SETD1A: variants seen among roughly 807,000 people sequenced by gnomAD.
The protein encoded by SETD1A is SET domain containing 1A, histone lysine methyltransferase, also known as histone-lysine N-methyltransferase SETD1A.
In SETD1A, 29 loss-of-function variants were observed where a neutral mutation model predicts 149.9. The ratio of observed to expected loss-of-function variants is 0.19; its 90% CI spans 0.14 to 0.26. SETD1A has a LOEUF of 0.26. Among genes scored for constraint, SETD1A ranks in the 10% least tolerant of loss-of-function variants. The pLI is 1.00. For missense variants in SETD1A, 2,109 were observed against 2,353.1 expected, an observed-to-expected ratio of 0.90 and a Z score of 2.15; for synonymous variants, 1,141 against 968.5, an observed-to-expected ratio of 1.18 and a Z score of -3.31.
chr16:30,976,956 CT>C (rs936344528), intron 13 of SETD1A, among the ~76,000 whole-genome samples: 17 of 148,618 alleles, frequency 1.1e-4, no homozygotes, highest in Admixed American at 3.4e-4. Flanking sequence ...TGTTTCTTCT[CT>C]TTTTTTTTTG....
At chr16:30,962,927 T>C (rs1361732769) in intron 4 of SETD1A, among the ~76,000 whole-genome samples, 2 of 152,282 alleles carry the variant, frequency 1.3e-5, no homozygotes, top group Non-Finnish European at 2.9e-5. Context: ...GGTTTTTGTG[T>C]GAAATCTCAT....
intron 3 of SETD1A, among the ~76,000 whole-genome samples, chr16:30,959,720 A>G (rs932479569): frequency 4.0e-5 from 6 of 148,178 alleles, no homozygotes; most frequent in Non-Finnish European, 8.9e-5. Context: ...TTCTAAATAA[A>G]TTGTTTGTGG....
intron 17 of SETD1A, among the ~76,000 whole-genome samples, chr16:30,981,479 AT>A (rs2056377264): frequency 6.6e-6 from 1 of 152,144 alleles, no homozygotes; most frequent in Admixed American, 6.5e-5. Context: ...GGTTCAAGCG[AT>A]TCTCCTGCCT....
chr16:30,966,406 C>T lies in SETD1A; in HGVS notation c.2505+20C>T. On this transcript the variant is annotated intron_variant, in intron 8 of 18. Coordinates refer to ENST00000262519, the MANE Select transcript of SETD1A (RefSeq NM_014712.3). ...GCCAAGGTGAGGCCAGCGCCTGGGACCGGGGAGCCCTGGGCTTTGCAGGAG... is the reference window on the plus strand; with the variant it reads ...GCCAAGGTGAGGCCAGCGCCTGGGATCGGGGAGCCCTGGGCTTTGCAGGAG... 6.3e-7 allele frequency: 1 copy of T among 1,583,852 alleles called. No homozygotes were observed. The highest frequency in any genetic ancestry group is 1.2e-5 in the South Asian group (1 of 86,046).
At chr16:30,960,505 C>T (rs2056036132) in intron 3 of SETD1A, among the ~76,000 whole-genome samples, 1 of 152,164 alleles carries the variant, frequency 6.6e-6, no homozygotes, top group Non-Finnish European at 1.5e-5. Context: ...CTTCCCTGGG[C>T]TCCAGAACAC....
Position 30,984,325 on chromosome 16 carries a change from C to G in SETD1A, c.*302C>G. On this transcript the variant is annotated 3_prime_UTR_variant, in exon 19 of 19. Transcript: ENST00000262519. ...GGGTGCCGGCCTGTACAGATTCTGTCCTGGGGGGCTACACAGTCCTCTTGC... is the reference window on the plus strand; with the variant it reads ...GGGTGCCGGCCTGTACAGATTCTGTGCTGGGGGGCTACACAGTCCTCTTGC... 2.5e-6 allele frequency: 1 copy of G among 399,686 alleles called. No individual in the cohort carries two copies. The highest frequency in any genetic ancestry group is 4.6e-6 in the Non-Finnish European group (1 of 217,610). The allele number at this position is 399,686 out of a possible 1,614,324, so 24.8% of individuals were successfully genotyped here.
In SETD1A at chr16:30,963,469, A is replaced by G; in HGVS notation, c.554A>G (p.Asn185Ser). ...ATGAAATACTATGAACTAATTGTCA[A>G]TGGCTCCTACACCCCTCAGACTGTG... ...QRMKYYELIV[N>S]GSYTPQTVPT... The change falls in exon 5 of 19, where the codon AAT (asparagine) becomes AGT (serine). Residue 185 changes from asparagine (N) to serine (S), a missense_variant. Transcript: ENST00000262519. 1.9e-6 allele frequency: 3 copies of G among 1,612,710 alleles called. No individual in the cohort carries two copies. The highest frequency in any genetic ancestry group is 2.2e-5 in the South Asian group (2 of 90,856).
intron 13 of SETD1A, among the ~76,000 whole-genome samples, chr16:30,977,331 G>T (rs1470429042): frequency 6.6e-6 from 1 of 152,238 alleles, no homozygotes; most frequent in East Asian, 1.9e-4. Context: ...ATGGCCCTGG[G>T]GAGGGGCAGG....
intron 13 of SETD1A, among the ~76,000 whole-genome samples, chr16:30,974,053 G>A (rs2143550311): frequency 6.6e-6 from 1 of 152,284 alleles, no homozygotes; most frequent in South Asian, 2.1e-4. Context: ...TTGAAAGGAT[G>A]CAGGTGAGAT....
Position 30,984,253 on chromosome 16 carries a change from C to A in SETD1A, c.*230C>A. 1.8e-6 allele frequency: 1 copy of A among 555,616 alleles called. No individual in the cohort carries two copies. 34.4% of individuals were successfully genotyped at this position (555,616 alleles called of 1,614,324 possible). On this transcript the variant is annotated 3_prime_UTR_variant, in exon 19 of 19. Transcript: ENST00000262519. ...ATTGTTTTTCTTTGCGGAGAAGAAG[C>A]TGTAAATGTTTTGTAGCAGCCAGCA...
At position 30,965,838 on chromosome 16, in the gene SETD1A, C is replaced by G. The variant is rs1364909953; in HGVS notation, c.1957C>G (p.Pro653Ala). Reference protein sequence around the residue: ...PPEYPPPPPPPPHIYDFVNSL... With the variant: ...PPEYPPPPPPAPHIYDFVNSL... The stretch of plus-strand genomic sequence containing the variant: ...TGAGTACCCCCCACCTCCTCCACCA[C>G]CCCCGCACATCTATGACTTTGTGAA... The change falls in exon 8 of 19, where the codon CCC (proline) becomes GCC (alanine). Residue 653 changes from proline to alanine, a missense_variant. Coordinates refer to ENST00000262519, the MANE Select transcript of SETD1A (RefSeq NM_014712.3). 6.2e-7 allele frequency: 1 copy of G among 1,608,224 alleles called. No individual in the cohort carries two copies. The highest frequency in any genetic ancestry group is 8.5e-7 in the Non-Finnish European group (1 of 1,176,502).
Position 30,980,911 on chromosome 16 carries a change from A to C in SETD1A, c.4692+62A>C, listed in dbSNP as rs1011923470. On this transcript the variant is annotated intron_variant, in intron 16 of 18. Transcript: ENST00000262519. This position sits in a 1 kb window ranked among gnomAD's most constrained non-coding sequence, Gnocchi z 7.7. ...GGTGGGGCAGGAAGGGGCAGAGGCC[A>C]GGGGACCACCCAGCAGGCTCCTGTG... is the stretch of plus-strand genomic sequence containing the variant. The C allele has an allele frequency of 1.3e-6, 2 of 1,558,734 alleles. No homozygotes were observed. The highest frequency in any genetic ancestry group is 1.4e-5 in the African/African-American group (1 of 74,032).
intron 3 of SETD1A, among the ~76,000 whole-genome samples, chr16:30,959,862 A>G (rs2056025267): frequency 6.6e-6 from 1 of 151,794 alleles, no homozygotes; most frequent in Non-Finnish European, 1.5e-5. Context: ...TCCAGCCAAC[A>G]TCTCTAGGCT....
intron 9 of SETD1A, among the ~76,000 whole-genome samples, chr16:30,967,298 C>T (rs1227793521): frequency 6.6e-6 from 1 of 152,118 alleles, no homozygotes; most frequent in Non-Finnish European, 1.5e-5. Flanking sequence ...GGGTTACAGG[C>T]ACCCGCCACC....
rs779920468 is a variant in SETD1A, at chr16:30,981,103, G to A, written c.4735G>A (p.Glu1579Lys). The A allele has an allele frequency of 1.4e-5, 22 of 1,614,100 alleles. No individual in the cohort carries two copies. Among genetic ancestry groups the A allele is most frequent in the South Asian group, 1.1e-5 (1 of 91,090 alleles). The change falls in exon 17 of 19, where the codon GAG (glutamate) becomes AAG (lysine). Residue 1579 changes from glutamate (E) to lysine (K), a missense_variant. Around this residue, in one of 8 missense-constraint regions of SETD1A, gnomAD observed 254 missense variants for 409.3 expected, o/e 0.62. Coordinates refer to ENST00000262519, the MANE Select transcript of SETD1A (RefSeq NM_014712.3). ...CCGATTTGGCCGGAGCCGGATCCAC[G>A]AGTGGGGTCTGTTTGCCATGGAACC... ...KLRFGRSRIH[E>K]WGLFAMEPIA...
Position 30,964,275 on chromosome 16 carries a change from C to G in SETD1A, c.821C>G (p.Thr274Arg), listed in dbSNP as rs146582105. Residue 274 changes from threonine to arginine, a missense_variant, in exon 6 of 19, where the codon ACG becomes AGG. Transcript: ENST00000262519. ...CAGTCCTCCCAAGGAACCCCCTACA[C>G]GTCTCGGGGCAGCACCCCCTACTCT... ...TPQSSQGTPY[T>R]SRGSTPYSQD... 5.0e-6 allele frequency: 8 copies of G among 1,614,068 alleles called. No homozygotes were observed. The highest frequency in any genetic ancestry group is 6.8e-6 in the Non-Finnish European group (8 of 1,179,962).
rs146456699 is a variant in SETD1A at position 30,968,130 on chromosome 16, C to T, written c.2770+542C>T. The stretch of plus-strand genomic sequence containing the variant: ...CATATTTAAAACTGTGTGGGCTGGG[C>T]GCAGTGGCTCCTGACTGTAATCCCA... On this transcript the variant is annotated intron_variant, in intron 10 of 18. Coordinates refer to ENST00000262519, the MANE Select transcript of SETD1A (RefSeq NM_014712.3). 3.2e-3 allele frequency among the ~76,000 whole-genome samples: 494 copies of T among 152,264 alleles called. 2 individuals are homozygous for T. Among genetic ancestry groups the T allele is most frequent in the African/African-American group, 0.011 (458 of 41,540 alleles).
Position 30,983,502 on chromosome 16 carries a change from G to A in SETD1A, c.4813-133G>A, listed in dbSNP as rs911317730. On this transcript the variant is annotated intron_variant, in intron 17 of 18. Transcript: ENST00000262519. This position sits in a 1 kb window ranked among gnomAD's most constrained non-coding sequence, Gnocchi z 6.8. Reference sequence around the variant, plus strand: ...AAGCAGAGTCGAGAGAGTCAGTGCCGGGTTAGCGGGAGCTGGAGGCAGAGC... The same window carrying A: ...AAGCAGAGTCGAGAGAGTCAGTGCCAGGTTAGCGGGAGCTGGAGGCAGAGC... 45 of 1,039,296 alleles carry A rather than the reference G, an allele frequency of 4.3e-5. 1 individual carries two copies. The highest frequency in any genetic ancestry group is 3.0e-4 in the South Asian group (19 of 63,818). The allele number at this position is 1,039,296 out of a possible 1,614,324, so 64.4% of individuals were successfully genotyped here.
At chr16:30,978,068 G>T (rs1567361596) in intron 13 of SETD1A, among the ~76,000 whole-genome samples, 1 of 152,132 alleles carries the variant, frequency 6.6e-6, no homozygotes. Flanking sequence ...GAGGTCAAGA[G>T]ATCGAGACCA....
Sources: gnomAD v4.1 joint callset for allele counts (sites outside exome capture counted in the v4.1 genomes callset) on GRCh38, gnomAD v4.1.1 for gene constraint, gnomAD v4.1.1 regional missense constraint, Gnocchi (gnomAD v3.1) non-coding constraint, MANE v1.5 for transcripts, NCBI Gene and HGNC (gene_info 2026-07-23, HGNC 2026-07-21) for gene names.